RBM20: variants seen among roughly 807,000 people sequenced by gnomAD.
RBM20 encodes RNA-binding protein 20.
In RBM20, 51 loss-of-function variants were observed where a neutral mutation model predicts 110.1. That is an observed-to-expected ratio of 0.46 (90% CI 0.37 to 0.59). RBM20 has a LOEUF of 0.59. Among genes scored for constraint, RBM20 ranks in the 20% least tolerant of loss-of-function variants. The pLI is 0.00. For missense variants in RBM20, 1,512 were observed against 1,574.9 expected, an observed-to-expected ratio of 0.96 and a Z score of 0.68; for synonymous variants, 589 against 618.2, an observed-to-expected ratio of 0.95 and a Z score of 0.70.
rs2135044506 is a variant in RBM20, at chr10:110,781,714, A to G, written c.1105A>G (p.Asn369Asp). Residue 369 changes from asparagine (N) to aspartate (D), a missense_variant, in exon 2 of 14, where the codon AAC (asparagine) becomes GAC (aspartate). Transcript: ENST00000369519. ...RTPPSFGGRL[N>D]NSKQGFIGAG... ...ACCTCCTTCCTTCGGGGGTCGGCTT[A>G]ACAACAGCAAACAGGGTTTTATCGG... 6.4e-7 allele frequency: 1 copy of G among 1,551,432 alleles called. No individual in the cohort carries two copies. Among genetic ancestry groups the G allele is most frequent in the Admixed American group, 2.0e-5 (1 of 51,004 alleles).
chr10:110,679,281 TG>T (rs2134855661), intron 1 of RBM20, among the ~76,000 whole-genome samples: 1 of 152,280 alleles, frequency 6.6e-6, no homozygotes, highest in Admixed American at 6.5e-5. Flanking sequence ...TGGAATGCAG[TG>T]GTGTGATCAT....
chr10:110,801,481 G>A (rs982619823), intron 7 of RBM20, among the ~76,000 whole-genome samples: 1 of 151,628 alleles, frequency 6.6e-6, no homozygotes, highest in Admixed American at 6.6e-5. Context: ...ACATTGTCTT[G>A]TCCAACTTTT....
rs78489225 is a variant in RBM20 at position 110,803,665 on chromosome 10, G to A, written c.1800+3747G>A. On this transcript the variant is annotated intron_variant, in intron 7 of 13. Coordinates refer to ENST00000369519, the MANE Select transcript of RBM20 (RefSeq NM_001134363.3). ...TCCCTCTTAAGGCATTGTGAAGGTC[G>A]CATGGAATAACAGATGTGAAAACAA... 3.6e-3 allele frequency among the ~76,000 whole-genome samples: 548 copies of A among 151,994 alleles called. 12 individuals are homozygous for A. In the East Asian group the frequency reaches 0.058, roughly 16 times the overall value.
At chr10:110,786,438 G>A (rs932150550) in intron 5 of RBM20, among the ~76,000 whole-genome samples, 2 of 152,244 alleles carry the variant, frequency 1.3e-5, no homozygotes, top group Admixed American at 6.5e-5. Flanking sequence ...AAAGCGAGGT[G>A]GTTCATGATG....
chr10:110,821,776 G>T lies in RBM20; in HGVS notation c.3157G>T (p.Glu1053Ter). 2 of 1,551,812 alleles carry T rather than the reference G, an allele frequency of 1.3e-6. No individual in the cohort carries two copies. The highest frequency in any genetic ancestry group is 1.7e-6 in the Non-Finnish European group (2 of 1,147,012). ...VQQMSSPKPAEERARQPSPFV... is the reference protein window; with the variant it reads ...VQQMSSPKPA The stretch of plus-strand genomic sequence containing the variant: ...GCAAATGTCTTCCCCTAAGCCAGCA[G>T]AGGAGAGGGCCCGGCAGCCAAGCCC... The change falls in exon 11 of 14, where the codon GAG becomes TAG. Residue 1053 changes from glutamate (E) to a stop codon, truncating the protein, a stop_gained. Transcript: ENST00000369519. LOFTEE classifies it high-confidence loss of function.
At chr10:110,831,290 C>A in intron 13 of RBM20, 108 bp downstream of exon 13, 1 of 1,176,392 alleles carries the variant, frequency 8.5e-7, no homozygotes, top group Non-Finnish European at 1.2e-6. Context: ...CTAGCTCCTA[C>A]CTGCAAGGCC....
chr10:110,818,123 TAC>T (rs1382393767), intron 9 of RBM20, among the ~76,000 whole-genome samples: 1 of 18,832 alleles, frequency 5.3e-5, no homozygotes, highest in East Asian at 1.7e-3. Flanking sequence ...CTACTAAAAA[TAC>T]AAAAAAAAAA....
At chr10:110,815,682 G>A (rs1844828943) in intron 9 of RBM20, among the ~76,000 whole-genome samples, 1 of 152,174 alleles carries the variant, frequency 6.6e-6, no homozygotes, top group Non-Finnish European at 1.5e-5. Context: ...CTCTGCCCTG[G>A]GAACCTCATT....
chr10:110,671,775 A>G (rs1590607704), intron 1 of RBM20, among the ~76,000 whole-genome samples: 2 of 152,170 alleles, frequency 1.3e-5, no homozygotes, highest in African/African-American at 2.4e-5. Context: ...ATGCTTATTA[A>G]CCGTATTTAC....
chr10:110,769,633 GAAGA>G (rs1844158829), intron 1 of RBM20, among the ~76,000 whole-genome samples: 1 of 152,230 alleles, frequency 6.6e-6, no homozygotes, highest in African/African-American at 2.4e-5. Flanking sequence ...AACCCCCATG[GAAGA>G]GGAAGCCCAT....
chr10:110,778,906 C>T (rs748992325), intron 1 of RBM20, among the ~76,000 whole-genome samples: 8 of 152,314 alleles, frequency 5.3e-5, no homozygotes, highest in South Asian at 4.1e-4. Flanking sequence ...ACATGTCAGA[C>T]GGACACCCTT....
intron 1 of RBM20, among the ~76,000 whole-genome samples, chr10:110,770,181 G>T (rs1396161749): frequency 2.0e-5 from 3 of 152,068 alleles, no homozygotes; most frequent in African/African-American, 7.2e-5. Flanking sequence ...GGGTGTAGGT[G>T]GTGGTGAGGG....
At chr10:110,738,838 G>A (rs1191363302) in intron 1 of RBM20, among the ~76,000 whole-genome samples, 5 of 152,126 alleles carry the variant, frequency 3.3e-5, no homozygotes. Context: ...CATTGGGGTT[G>A]GGGCTGCAGC....
rs535368383 is a variant in RBM20, at chr10:110,782,660, C to T, written c.1276-706C>T. Reference sequence around the variant, plus strand: ...ACTCAGCCCCTTCTCCCCGCCACCTCCCCAGCTTGAAAGTGGCAGAGTGGA... The same window carrying T: ...ACTCAGCCCCTTCTCCCCGCCACCTTCCCAGCTTGAAAGTGGCAGAGTGGA... On this transcript the variant is annotated intron_variant, in intron 2 of 13. Coordinates refer to ENST00000369519, the MANE Select transcript of RBM20 (RefSeq NM_001134363.3). Among the ~76,000 whole-genome samples, 12 of 152,322 alleles carry T rather than the reference C, an allele frequency of 7.9e-5. No homozygotes were observed. The South Asian group carries it at 2.1e-3, about 26-fold the overall frequency.
intron 1 of RBM20, among the ~76,000 whole-genome samples, chr10:110,735,581 A>G (rs1843662476): frequency 6.6e-6 from 1 of 152,230 alleles, no homozygotes; most frequent in Non-Finnish European, 1.5e-5. Flanking sequence ...TGCTGCAGTG[A>G]GGATCCTTGC....
At chr10:110,657,078 G>C (rs1008594691) in intron 1 of RBM20, among the ~76,000 whole-genome samples, 3 of 151,450 alleles carry the variant, frequency 2.0e-5, no homozygotes, top group African/African-American at 7.3e-5. Context: ...GTGCATTGGC[G>C]TGATCTCGAT....
intron 1 of RBM20, among the ~76,000 whole-genome samples, chr10:110,680,292 G>C (rs72834040): frequency 2.0e-5 from 3 of 152,102 alleles, no homozygotes; most frequent in Admixed American, 2.0e-4. Flanking sequence ...TTTTCAGAGT[G>C]GGGAGGGGTG....
intron 1 of RBM20, among the ~76,000 whole-genome samples, chr10:110,772,900 G>C (rs1844212343): frequency 6.6e-6 from 1 of 152,146 alleles, no homozygotes; most frequent in Admixed American, 6.5e-5. Context: ...TGACAGATGA[G>C]GAAATTAAAC....
chr10:110,661,452 C>T (rs1862100887), intron 1 of RBM20, among the ~76,000 whole-genome samples: 1 of 152,160 alleles, frequency 6.6e-6, no homozygotes, highest in African/African-American at 2.4e-5. Flanking sequence ...AGTCCCTAGA[C>T]ATAGAGGCCA....
Sources: gnomAD v4.1 joint callset for allele counts (sites outside exome capture counted in the v4.1 genomes callset) on GRCh38, gnomAD v4.1.1 for gene constraint, MANE v1.5 for transcripts, NCBI Gene and HGNC (gene_info 2026-07-23, HGNC 2026-07-21) for gene names.